The following WHRN variants were observed in gnomAD, a reference collection of about 807,000 sequenced individuals.
WHRN encodes whirlin.
A neutral mutation model predicts 68.3 loss-of-function variants in WHRN; 41 were observed. The observed-to-expected ratio is 0.60, with a 90% CI of 0.47 to 0.78. WHRN has a LOEUF of 0.78. Among genes scored for constraint, WHRN ranks in the 30% least tolerant of loss-of-function variants. The pLI is 0.00. For missense variants in WHRN, 1,243 were observed against 1,244.7 expected (o/e 1.00, Z 0.02); for synonymous variants, 560 against 561.3 (o/e 1.00, Z 0.03).
At chr9:114,480,854 A>C (rs1842044584) in intron 1 of WHRN, among the ~76,000 whole-genome samples, 1 of 152,220 alleles carries the variant, frequency 6.6e-6, no homozygotes, top group Admixed American at 6.5e-5. Context: ...GAGAAAAATC[A>C]TACTGGAAAA....
In WHRN at chr9:114,405,265, C is replaced by T. The variant is rs900543692; in HGVS notation, c.2236+1090G>A. Among the ~76,000 whole-genome samples the T allele has an allele frequency of 6.6e-5, 10 of 151,996 alleles. No homozygotes were observed. In the East Asian group the frequency reaches 1.9e-3, roughly 30 times the overall value. ...TATCGTATCTTTAGTAGAAATGGGG[C>T]TTTCAGCAAGTTGCCCAGGCTCCTG... On this transcript the variant is annotated intron_variant, in intron 9 of 11. Transcript: ENST00000362057.
chr9:114,456,283 A>G (rs891734134), intron 3 of WHRN, among the ~76,000 whole-genome samples: 1 of 152,196 alleles, frequency 6.6e-6, no homozygotes, highest in Non-Finnish European at 1.5e-5. Flanking sequence ...GTAAAACTCA[A>G]CCAGGATGTG....
At chr9:114,438,578 G>C (rs1589137908) in intron 3 of WHRN, among the ~76,000 whole-genome samples, 1 of 150,720 alleles carries the variant, frequency 6.6e-6, no homozygotes, top group East Asian at 2.0e-4. Flanking sequence ...TCAGCCTCCC[G>C]AGTAGCTGGG....
chr9:114,459,232 C>A (rs182369899), intron 3 of WHRN, among the ~76,000 whole-genome samples: 2 of 151,718 alleles, frequency 1.3e-5, no homozygotes, highest in Non-Finnish European at 2.9e-5. Context: ...CCAAGGCGGG[C>A]GGATCACTTG....
chr9:114,432,079 C>A (rs1423546102), intron 3 of WHRN, among the ~76,000 whole-genome samples: 1 of 152,154 alleles, frequency 6.6e-6, no homozygotes, highest in Non-Finnish European at 1.5e-5. Context: ...TTATTTGTCA[C>A]CATGGGAATC....
chr9:114,464,572 T>C (rs1840503863), intron 3 of WHRN, among the ~76,000 whole-genome samples: 1 of 152,188 alleles, frequency 6.6e-6, no homozygotes, highest in African/African-American at 2.4e-5. Flanking sequence ...CCCCACCTCC[T>C]AATACTATCA....
At chr9:114,488,385 C>T (rs931967954) in intron 1 of WHRN, among the ~76,000 whole-genome samples, 3 of 152,114 alleles carry the variant, frequency 2.0e-5, no homozygotes, top group Non-Finnish European at 2.9e-5. Context: ...ATGAGGAAAG[C>T]GATTCTAGGT....
chr9:114,468,998 G>A (rs978159989), intron 2 of WHRN, among the ~76,000 whole-genome samples: 3 of 152,192 alleles, frequency 2.0e-5, no homozygotes, highest in Admixed American at 6.5e-5. Context: ...TGTGGCCCCG[G>A]CCAAGTTGCT....
At chr9:114,476,659 G>C (rs914247904) in intron 2 of WHRN, among the ~76,000 whole-genome samples, 1 of 152,096 alleles carries the variant, frequency 6.6e-6, no homozygotes. Context: ...TGCTTCCCAA[G>C]AGCAGGGCCC....
intron 3 of WHRN, among the ~76,000 whole-genome samples, chr9:114,446,469 G>A (rs1490237502): frequency 6.6e-6 from 1 of 152,120 alleles, no homozygotes; most frequent in Non-Finnish European, 1.5e-5. Flanking sequence ...CCACTGATTT[G>A]CACACTTTAA....
intron 2 of WHRN, among the ~76,000 whole-genome samples, chr9:114,476,834 C>T (rs569314750): frequency 3.3e-5 from 5 of 152,290 alleles, no homozygotes; most frequent in African/African-American, 1.2e-4. Flanking sequence ...GCGAGGAGGA[C>T]TCAGGAAGAC....
chr9:114,427,226 C>A (rs944301911), intron 3 of WHRN, among the ~76,000 whole-genome samples: 2 of 152,198 alleles, frequency 1.3e-5, no homozygotes, highest in African/African-American at 4.8e-5. Flanking sequence ...CCACCATACT[C>A]CAGCCTGGAC....
intron 1 of WHRN, among the ~76,000 whole-genome samples, chr9:114,489,999 T>C (rs1041872843): frequency 1.3e-5 from 2 of 152,226 alleles, no homozygotes; most frequent in Non-Finnish European, 2.9e-5. Context: ...AATGGTGTGG[T>C]AAGAATTCTG....
intron 2 of WHRN, among the ~76,000 whole-genome samples, chr9:114,475,075 T>C (rs1326173527): frequency 6.6e-6 from 1 of 152,124 alleles, no homozygotes; most frequent in African/African-American, 2.4e-5. Context: ...GTGCAGACAC[T>C]AGGGAAAACT....
In WHRN at chr9:114,504,505, C is replaced by T. The variant is rs1253482035; in HGVS notation, c.297G>A (p.Pro99=). 1.9e-6 allele frequency: 3 copies of T among 1,609,368 alleles called. No homozygotes were observed. The highest frequency in any genetic ancestry group is 2.5e-6 in the Non-Finnish European group (3 of 1,179,792). The stretch of plus-strand genomic sequence containing the variant: ...GGTCGAAGAGCAGCTGGTCGGAGCG[C>T]GGGATGACCAGACGAAGCATGGGCA... ...RLLPMLRLVI[P]RSDQLLFDQY... is the part of the protein sequence containing the mutation. Residue 99 remains proline, a synonymous_variant, in exon 1 of 12, where the codon CCG becomes CCA. Transcript: ENST00000362057.
chr9:114,422,525 G>T (rs1234010409), intron 7 of WHRN, among the ~76,000 whole-genome samples: 2 of 152,158 alleles, frequency 1.3e-5, no homozygotes, highest in African/African-American at 4.8e-5. Context: ...CTGGGGGGCT[G>T]GTGAGTCTGC....
chr9:114,489,229 G>C (rs569794688), intron 1 of WHRN, among the ~76,000 whole-genome samples: 2 of 152,122 alleles, frequency 1.3e-5, no homozygotes, highest in Non-Finnish European at 2.9e-5. Context: ...TCAATAAATA[G>C]AAAACATAGG....
At chr9:114,502,112 A>C (rs977111435) in intron 1 of WHRN, among the ~76,000 whole-genome samples, 1 of 152,194 alleles carries the variant, frequency 6.6e-6, no homozygotes, top group Non-Finnish European at 1.5e-5. Context: ...CAAAGCAGCC[A>C]TCATTTTGCC....
intron 7 of WHRN, among the ~76,000 whole-genome samples, chr9:114,417,410 C>T (rs560366477): frequency 6.6e-6 from 1 of 152,322 alleles, no homozygotes. Flanking sequence ...ATGTGGGAGG[C>T]GAATGTTTAG....
Sources: gnomAD v4.1 joint callset for allele counts (sites outside exome capture counted in the v4.1 genomes callset) on GRCh38, gnomAD v4.1.1 for gene constraint, MANE v1.5 for transcripts, NCBI Gene and HGNC (gene_info 2026-07-23, HGNC 2026-07-21) for gene names.